Variants in TTF1 observed in about 807,000 individuals in gnomAD.
TTF1 encodes transcription termination factor, RNA polymerase I.
A neutral mutation model predicts 80.2 loss-of-function variants in TTF1; 64 were observed. The observed-to-expected ratio is 0.80, with a 90% CI of 0.65 to 0.98. The LOEUF (loss-of-function observed/expected upper bound fraction) is 0.98, where lower values mean the gene tolerates loss of function less well. TTF1 is among the 50% of genes least tolerant of loss of function. The probability of loss-of-function intolerance (pLI) is 0.00; values close to 1 mark genes in which losing one functional copy is unlikely to be tolerated. For missense variants in TTF1, 1,023 were observed against 1,086.2 expected (o/e 0.94, Z 0.82); for synonymous variants, 372 against 382.7 (o/e 0.97, Z 0.33).
intron 10 of TTF1, among the ~76,000 whole-genome samples, chr9:132,378,781 CGA>C (rs1227317011): frequency 1.3e-5 from 2 of 151,910 alleles, no homozygotes; most frequent in East Asian, 1.9e-4. Flanking sequence ...GCTGTGTGCA[CGA>C]GTGTGTGTGT....
chr9:132,393,447 C>A (rs913405768), intron 5 of TTF1, among the ~76,000 whole-genome samples: 1 of 152,236 alleles, frequency 6.6e-6, no homozygotes, highest in Non-Finnish European at 1.5e-5. Context: ...ATAACATGAG[C>A]GATCTGTGCC....
At chr9:132,396,857 G>T (rs1486817797) in intron 4 of TTF1, among the ~76,000 whole-genome samples, 1 of 151,780 alleles carries the variant, frequency 6.6e-6, no homozygotes, top group Non-Finnish European at 1.5e-5. Context: ...TAGTAGGGAC[G>T]GGGTTTCACT....
chr9:132,389,308 G>C (rs568944438), intron 7 of TTF1, among the ~76,000 whole-genome samples: 1 of 150,186 alleles, frequency 6.7e-6, no homozygotes, highest in East Asian at 2.0e-4. Context: ...TCAGCCTCCC[G>C]AGTAGCTGGG....
intron 2 of TTF1, among the ~76,000 whole-genome samples, chr9:132,400,470 G>A (rs1409247540): frequency 6.6e-6 from 1 of 152,078 alleles, no homozygotes; most frequent in African/African-American, 2.4e-5. Context: ...CTACAGGTAC[G>A]CGCCACCACG....
Position 132,396,496 on chromosome 9 carries a change from C to G in TTF1, c.1793G>C (p.Arg598Pro). The G allele has an allele frequency of 6.2e-7, 1 of 1,614,008 alleles. No individual in the cohort carries two copies. Among genetic ancestry groups the G allele is most frequent in the Non-Finnish European group, 8.5e-7 (1 of 1,179,992 alleles). The stretch of plus-strand genomic sequence containing the variant: ...TCGATAGTATATAAGTTTCCAGGGC[C>G]GGGCAATGTTCCTACCTAAAGTCAG... ...FRLHIGRNIARPWKLIYYRAK... is the reference protein window; with the variant it reads ...FRLHIGRNIAPPWKLIYYRAK... Residue 598 changes from arginine (R) to proline (P), a missense_variant, in exon 5 of 11, where the codon CGG becomes CCG. Physicochemically the swap from Arg to Pro is moderately radical, Grantham distance 103. Transcript: ENST00000334270.
At chr9:132,399,634 C>A (rs976079643) in intron 3 of TTF1, among the ~76,000 whole-genome samples, 1 of 152,218 alleles carries the variant, frequency 6.6e-6, no homozygotes, top group East Asian at 1.9e-4. Flanking sequence ...TCTACCACAA[C>A]TGGCTCACCA....
At chr9:132,404,558 C>T (rs771277631) in intron 1 of TTF1, among the ~76,000 whole-genome samples, 4 of 152,006 alleles carry the variant, frequency 2.6e-5, no homozygotes, top group Non-Finnish European at 5.9e-5. Context: ...CTTCAGCCTG[C>T]GTTTTCTAGC....
chr9:132,392,029 C>G (rs769810928), intron 6 of TTF1, 47 bp downstream of exon 6: 1 of 1,611,538 alleles, frequency 6.2e-7, no homozygotes, highest in South Asian at 1.1e-5. Context: ...CCAGGCCTGT[C>G]AGGGCTTATT....
At chr9:132,395,876 C>G (rs964572413) in intron 5 of TTF1, among the ~76,000 whole-genome samples, 1 of 152,252 alleles carries the variant, frequency 6.6e-6, no homozygotes, top group East Asian at 1.9e-4. Flanking sequence ...AACCCAAACG[C>G]TCGGTCTACG....
At chr9:132,389,258 C>A (rs1849520987) in intron 7 of TTF1, among the ~76,000 whole-genome samples, 1 of 150,680 alleles carries the variant, frequency 6.6e-6, no homozygotes, top group Non-Finnish European at 1.5e-5. Context: ...TCTCGGCTCA[C>A]TGTAACCTCC....
Position 132,402,539 on chromosome 9 carries a change from C to T in TTF1, c.283G>A (p.Glu95Lys), listed in dbSNP as rs1363518179. ...GTAACACCTGCTTCCTCGTCCACCT[C>T]CAAAGCACTATATCTTCTCTTTTTT... The part of the protein sequence containing the change: ...KRKKRRYSAL[E>K]VDEEAGVTVV... The change falls in exon 2 of 11, where the codon GAG becomes AAG. Residue 95 changes from glutamate (E) to lysine (K), a missense_variant. Glu to Lys is a moderately conservative substitution (Grantham distance 56). Transcript: ENST00000334270. The T allele has an allele frequency of 6.2e-6, 10 of 1,614,104 alleles. No homozygotes were observed. Among genetic ancestry groups the T allele is most frequent in the African/African-American group, 1.3e-5 (1 of 74,936 alleles).
chr9:132,401,475 C>T lies in TTF1; in HGVS notation c.1347G>A (p.Lys449=), dbSNP rs1356575834. The change falls in exon 2 of 11, where the codon AAG becomes AAA. Residue 449 remains lysine, a synonymous_variant. Coordinates refer to ENST00000334270, the MANE Select transcript of TTF1 (RefSeq NM_007344.4). ...GTTACCTTGGCGCCTCTTGCACGTGCTTGCTTGCCAAACAGGCCTGGGTTT... is the reference window on the plus strand; with the variant it reads ...GTTACCTTGGCGCCTCTTGCACGTGTTTGCTTGCCAAACAGGCCTGGGTTT... ...QKKTQACLAS[K]HVQEAPRLEP... The T allele has an allele frequency of 6.2e-7, 1 of 1,611,666 alleles. No individual in the cohort carries two copies.
intron 9 of TTF1, among the ~76,000 whole-genome samples, chr9:132,380,192 C>T (rs1473524030): frequency 6.6e-6 from 1 of 152,064 alleles, no homozygotes; most frequent in Non-Finnish European, 1.5e-5. Context: ...GGCTCAGCCT[C>T]CTGAGTAGCT....
chr9:132,381,197 ATTT>A (rs1185241585), intron 9 of TTF1, among the ~76,000 whole-genome samples: 2 of 145,352 alleles, frequency 1.4e-5, no homozygotes, highest in Non-Finnish European at 3.0e-5. Flanking sequence ...GAAAAGCTGA[ATTT>A]TTTTTTTTTT....
At chr9:132,395,934 G>A (rs1849640029) in intron 5 of TTF1, among the ~76,000 whole-genome samples, 1 of 152,202 alleles carries the variant, frequency 6.6e-6, no homozygotes, top group Admixed American at 6.5e-5. Flanking sequence ...ATCCGATATT[G>A]TATTTGGGGA....
intron 9 of TTF1, among the ~76,000 whole-genome samples, chr9:132,381,568 G>A (rs561102868): frequency 6.6e-5 from 10 of 152,324 alleles, no homozygotes; most frequent in African/African-American, 1.9e-4. Context: ...ATGGGAGCTG[G>A]TGGGGTGCAC....
intron 9 of TTF1, among the ~76,000 whole-genome samples, chr9:132,386,128 A>G (rs1168092210): frequency 6.6e-6 from 1 of 152,208 alleles, no homozygotes; most frequent in Non-Finnish European, 1.5e-5. Context: ...ACTCGACTGT[A>G]TGGTAATACT....
chr9:132,387,700 G>A (rs2131630888), intron 8 of TTF1, among the ~76,000 whole-genome samples: 1 of 152,278 alleles, frequency 6.6e-6, no homozygotes, highest in East Asian at 1.9e-4. Flanking sequence ...CACTTTAGGG[G>A]GGACCCTGCA....
chr9:132,379,997 C>A (rs558915679), intron 9 of TTF1, among the ~76,000 whole-genome samples: 2 of 152,088 alleles, frequency 1.3e-5, no homozygotes, highest in Admixed American at 6.5e-5. Flanking sequence ...CAGATTCTTC[C>A]GACCTCTTCA....
Sources: gnomAD v4.1 joint callset for allele counts (sites outside exome capture counted in the v4.1 genomes callset) on GRCh38, gnomAD v4.1.1 for gene constraint, MANE v1.5 for transcripts, NCBI Gene and HGNC (gene_info 2026-07-23, HGNC 2026-07-21) for gene names.